Variants in LMO1 observed in about 807,000 individuals in gnomAD.
LMO1 encodes the protein rhombotin-1.
Under a neutral mutation model 18.0 loss-of-function variants are expected in LMO1, and 10 were observed. The observed-to-expected ratio is 0.55, with a 90% confidence interval of 0.34 to 0.94. The LOEUF is 0.94. LMO1 is among the 40% of genes least tolerant of loss of function. The probability of loss-of-function intolerance (pLI) is 0.02; values close to 1 mark genes in which losing one functional copy is unlikely to be tolerated. For synonymous variants in LMO1, 77 were observed against 77.9 expected (o/e 0.99, Z 0.06); for missense variants, 183 against 205.7 (o/e 0.89, Z 0.68).
chr11:8,246,015 A>G (rs1160712684), intron 1 of LMO1, among the ~76,000 whole-genome samples: 2 of 152,128 alleles, frequency 1.3e-5, no homozygotes, highest in African/African-American at 4.8e-5. Context: ...AGTGAACTGA[A>G]CAAGAACTCA....
intron 1 of LMO1, among the ~76,000 whole-genome samples, chr11:8,262,780 C>A (rs955997003): frequency 3.3e-5 from 5 of 152,180 alleles, no homozygotes; most frequent in African/African-American, 1.2e-4. Context: ...ATGCAGATGT[C>A]CCCCGGAGGG....
intron 1 of LMO1, among the ~76,000 whole-genome samples, chr11:8,240,462 C>T (rs1480882088): frequency 6.6e-6 from 1 of 152,148 alleles, no homozygotes; most frequent in African/African-American, 2.4e-5. Flanking sequence ...CTGTCTTAGT[C>T]GGTTCAGGCT....
chr11:8,256,469 C>T (rs368694661), intron 1 of LMO1, among the ~76,000 whole-genome samples: 1 of 152,214 alleles, frequency 6.6e-6, no homozygotes, highest in East Asian at 1.9e-4. Flanking sequence ...GGGGAAGGGA[C>T]AGGAGGGAGG....
At chr11:8,238,585 G>A in intron 1 of LMO1, among the ~76,000 whole-genome samples, 1 of 151,234 alleles carries the variant, frequency 6.6e-6, no homozygotes. Flanking sequence ...GCAGGAGAAT[G>A]GCGTGAACCT....
intron 1 of LMO1, among the ~76,000 whole-genome samples, chr11:8,244,721 G>A (rs1273902201): frequency 1.3e-5 from 2 of 152,240 alleles, no homozygotes; most frequent in Non-Finnish European, 2.9e-5. Context: ...GCTGGCCTGG[G>A]GGTAAGGGCT....
At chr11:8,233,764 A>G (rs1590531209) in intron 1 of LMO1, among the ~76,000 whole-genome samples, 1 of 84,306 alleles carries the variant, frequency 1.2e-5, no homozygotes, top group East Asian at 3.2e-4. Context: ...CTCCTTCCCC[A>G]GCCTGGCTCT....
chr11:8,228,242 A>T (rs976467813), intron 2 of LMO1, among the ~76,000 whole-genome samples: 7 of 152,246 alleles, frequency 4.6e-5, no homozygotes, highest in African/African-American at 1.7e-4. Flanking sequence ...CATGCAGGCC[A>T]GCCCTTGGCT....
chr11:8,225,497 C>T (rs1481716643), intron 3 of LMO1, among the ~76,000 whole-genome samples: 1 of 151,626 alleles, frequency 6.6e-6, no homozygotes, highest in African/African-American at 2.4e-5. Context: ...TCCCTCTCCC[C>T]AATTTAAGAG....
At chr11:8,230,531 G>A (rs759072744) in intron 1 of LMO1, 27 bp from the exon 2 acceptor site, 29 of 1,599,204 alleles carry the variant, frequency 1.8e-5, no homozygotes, top group Admixed American at 3.3e-5. Context: ...AGACAGCAAC[G>A]CAGGATGGGC....
chr11:8,249,541 T>C (rs10769888), intron 1 of LMO1, among the ~76,000 whole-genome samples: 133,133 of 151,886 alleles, frequency 0.88, 58,843 homozygotes, highest in Non-Finnish European at 0.95. Flanking sequence ...TGATGCGTGA[T>C]AGGATCTGTC....
intron 1 of LMO1, among the ~76,000 whole-genome samples, chr11:8,259,080 C>T (rs922618635): frequency 1.3e-5 from 2 of 152,174 alleles, no homozygotes; most frequent in African/African-American, 4.8e-5. Flanking sequence ...AGCCAATAGC[C>T]GTTAAAAGCA....
At chr11:8,227,422 G>A (rs911232920) in intron 2 of LMO1, among the ~76,000 whole-genome samples, 1 of 152,202 alleles carries the variant, frequency 6.6e-6, no homozygotes, top group Non-Finnish European at 1.5e-5. Flanking sequence ...CCTAGGCTGG[G>A]CCCTGAGCAA....
intron 1 of LMO1, among the ~76,000 whole-genome samples, chr11:8,249,220 C>A (rs1047966241): frequency 6.6e-6 from 1 of 152,200 alleles, no homozygotes; most frequent in African/African-American, 2.4e-5. Context: ...CAGACCCTCA[C>A]CTGCCTCACC....
In LMO1 at chr11:8,230,404, C is replaced by T; in HGVS notation, c.126G>A (p.Lys42=). ...ACTTGAGGCAGTCTTCGTGCCAGTA[C>T]TTGTCCAATGCCTTCAGCAGATAGC... ...KDRYLLKALD[K]YWHEDCLKCA... Residue 42 remains lysine, a synonymous_variant, in exon 2 of 4, where the codon AAG becomes AAA. Coordinates refer to ENST00000335790, the MANE Select transcript of LMO1 (RefSeq NM_002315.3). The T allele has an allele frequency of 6.2e-7, 1 of 1,614,088 alleles. No homozygotes were observed. The highest frequency in any genetic ancestry group is 1.7e-5 in the Admixed American group (1 of 60,028).
chr11:8,224,898 A>G (rs1169270724), intron 3 of LMO1, among the ~76,000 whole-genome samples, 177 bp from the exon 4 acceptor site: 1 of 152,006 alleles, frequency 6.6e-6, no homozygotes, highest in Admixed American at 6.5e-5. Flanking sequence ...CACCTGGGCA[A>G]TTCCCCCAGG....
chr11:8,246,652 A>G (rs1284369054), intron 1 of LMO1, among the ~76,000 whole-genome samples: 1 of 152,276 alleles, frequency 6.6e-6, no homozygotes, highest in Non-Finnish European at 1.5e-5. Flanking sequence ...CCACTAAAGT[A>G]TCTATTTTAA....
At chr11:8,242,936 T>A (rs1846821000) in intron 1 of LMO1, among the ~76,000 whole-genome samples, 1 of 152,186 alleles carries the variant, frequency 6.6e-6, no homozygotes, top group Non-Finnish European at 1.5e-5. Flanking sequence ...TTTAAATGTG[T>A]TCTCCAGGCA....
upstream of LMO1, among the ~76,000 whole-genome samples, chr11:8,266,805 A>AG (rs1487163901): frequency 1.3e-5 from 2 of 152,232 alleles, no homozygotes; most frequent in Non-Finnish European, 2.9e-5. Flanking sequence ...CCTCAGCCAG[A>AG]GGGCCTGCTC....
chr11:8,224,775 G>T (rs199988641), intron 3 of LMO1, 54 bp from the exon 4 acceptor site: 24 of 1,235,200 alleles, frequency 1.9e-5, no homozygotes, highest in Middle Eastern at 1.9e-4. Flanking sequence ...GTGGGTAAGG[G>T]GGGGGCTGCA....
Sources: gnomAD v4.1 joint callset for allele counts (sites outside exome capture counted in the v4.1 genomes callset) on GRCh38, gnomAD v4.1.1 for gene constraint, MANE v1.5 for transcripts, NCBI Gene and HGNC (gene_info 2026-07-23, HGNC 2026-07-21) for gene names.